C9: variants seen among roughly 807,000 people sequenced by gnomAD.
C9 encodes complement C9, also known as complement component C9.
In C9, 63 loss-of-function variants were observed where a neutral mutation model predicts 65.4. The ratio of observed to expected loss-of-function variants is 0.96; its 90% confidence interval spans 0.79 to 1.19. C9 has a LOEUF of 1.19. Among genes scored for constraint, C9 ranks in the 50% most tolerant of loss-of-function variants. The pLI, the probability that C9 is intolerant of heterozygous loss-of-function variation, is 0.00. For missense variants in C9, 744 were observed against 670.1 expected (o/e 1.11, Z -1.22); for synonymous variants, 229 against 227.9 (o/e 1.00, Z -0.04).
chr5:39,333,857 G>T (rs1053068988), intron 4 of C9, among the ~76,000 whole-genome samples: 1 of 152,234 alleles, frequency 6.6e-6, no homozygotes, highest in South Asian at 2.1e-4. Context: ...CGAGTGATCC[G>T]CCAGCCTTGG....
rs750617137 is a variant in C9 at position 39,341,670 on chromosome 5, G to T, written c.214C>A (p.Gln72Lys). The T allele has an allele frequency of 1.2e-6, 2 of 1,613,932 alleles. No homozygotes were observed. Among genetic ancestry groups the T allele is most frequent in the East Asian group, 4.5e-5 (2 of 44,874 alleles). ...FRSRSIEVFG[Q>K]FNGKRCTDAV... ...TCGGTGCATCTTTTCCCATTAAATT[G>T]TCCAAAGACCTCAATGCTTCTTGAA... The change falls in exon 3 of 11, where the codon CAA becomes AAA. Residue 72 changes from glutamine to lysine, a missense_variant. Coordinates refer to ENST00000263408, the MANE Select transcript of C9 (RefSeq NM_001737.5).
intron 5 of C9, among the ~76,000 whole-genome samples, chr5:39,318,322 C>G (rs1303968298): frequency 6.6e-6 from 1 of 152,148 alleles, no homozygotes; most frequent in Non-Finnish European, 1.5e-5. Context: ...ATTTGACTTT[C>G]TCTCTTCGTA....
Position 39,342,356 on chromosome 5 carries a change from T to G in C9, c.78-160A>C, listed in dbSNP as rs531747578. Among the ~76,000 whole-genome samples the G allele has an allele frequency of 3.3e-5, 5 of 152,358 alleles. No homozygotes were observed. The East Asian group carries it at 9.6e-4, about 29-fold the overall frequency. On this transcript the variant is annotated intron_variant, in intron 1 of 10. Coordinates refer to ENST00000263408, the MANE Select transcript of C9 (RefSeq NM_001737.5). The stretch of plus-strand genomic sequence containing the variant: ...TTTCACCCTCAATTGCATGCTGTTT[T>G]GTATTTTCAACTCATCTTTTTGTTA...
chr5:39,348,467 C>T lies in C9; in HGVS notation c.78-6271G>A, dbSNP rs1192224914. On this transcript the variant is annotated intron_variant, in intron 1 of 10. Transcript: ENST00000263408. ...AGAGAAACGCAAATCAAAACCACAA[C>T]GAGATACCATCTCACACCAGTTAGA... Among the ~76,000 whole-genome samples the T allele has an allele frequency of 6.6e-5, 10 of 152,190 alleles. No homozygotes were observed. In the East Asian group the frequency reaches 7.7e-4, roughly 12 times the overall value.
At chr5:39,294,142 C>G (rs1753144950) in intron 9 of C9, among the ~76,000 whole-genome samples, 1 of 151,620 alleles carries the variant, frequency 6.6e-6, no homozygotes, top group Non-Finnish European at 1.5e-5. Flanking sequence ...TGATACATTT[C>G]AAGGAGCTAG....
chr5:39,300,956 T>C (rs1753266642), intron 9 of C9, among the ~76,000 whole-genome samples: 1 of 152,142 alleles, frequency 6.6e-6, no homozygotes, highest in Admixed American at 6.6e-5. Context: ...TTCCTTATTT[T>C]AGTGAGACCA....
intron 9 of C9, 133 bp from the exon 10 acceptor site, chr5:39,289,084 T>C (rs1011429171): frequency 1.5e-6 from 1 of 672,788 alleles, no homozygotes; most frequent in Non-Finnish European, 2.7e-6. Context: ...TATTGCCAGA[T>C]GTGATGTTAG....
intron 1 of C9, among the ~76,000 whole-genome samples, chr5:39,359,012 T>TAAAA (rs1182613709): frequency 1.1e-4 from 3 of 28,132 alleles, no homozygotes; most frequent in African/African-American, 1.7e-4. Context: ...AATAAATAAA[T>TAAAA]AAAAAATATA....
chr5:39,344,825 C>T (rs935717169), intron 1 of C9, among the ~76,000 whole-genome samples: 18 of 152,166 alleles, frequency 1.2e-4, no homozygotes, highest in African/African-American at 3.9e-4. Flanking sequence ...GCAGATCTCT[C>T]GGCAGAAACT....
chr5:39,340,875 C>T (rs1754063759), intron 4 of C9, among the ~76,000 whole-genome samples: 1 of 152,196 alleles, frequency 6.6e-6, no homozygotes, highest in African/African-American at 2.4e-5. Flanking sequence ...GAGATTTCAT[C>T]TCTTGCTCCA....
chr5:39,331,555 A>C, intron 5 of C9, 121 bp downstream of exon 5: 1 of 864,520 alleles, frequency 1.2e-6, no homozygotes, highest in Non-Finnish European at 2.0e-6. Flanking sequence ...CTCTTCTTTA[A>C]GTCTTGTGTT....
At chr5:39,357,129 T>C (rs1579883639) in intron 1 of C9, among the ~76,000 whole-genome samples, 1 of 152,182 alleles carries the variant, frequency 6.6e-6, no homozygotes, top group Non-Finnish European at 1.5e-5. Context: ...TTTCCAGTTT[T>C]AGAAAAAGAA....
At chr5:39,315,747 T>C (rs1299307987) in intron 6 of C9, 28 bp downstream of exon 6, 1 of 1,523,590 alleles carries the variant, frequency 6.6e-7, no homozygotes, top group Admixed American at 1.7e-5. Flanking sequence ...AACCTTTCTA[T>C]ATTCCTATAT....
intron 7 of C9, among the ~76,000 whole-genome samples, 153 bp from the exon 8 acceptor site, chr5:39,308,511 C>T (rs1451196039): frequency 1.3e-5 from 2 of 152,086 alleles, no homozygotes; most frequent in African/African-American, 4.8e-5. Context: ...CTGCTTTGTC[C>T]TCATATTAGA....
chr5:39,327,322 GCTAGAGGCTGTAAA>G (rs1388047071), intron 5 of C9, among the ~76,000 whole-genome samples: 1 of 152,186 alleles, frequency 6.6e-6, no homozygotes, highest in East Asian at 1.9e-4. Flanking sequence ...GTTGAGAAAA[GCTAGAGGCTGTAAA>G]CTAAGAACAC....
At chr5:39,321,513 AG>A (rs1753667328) in intron 5 of C9, among the ~76,000 whole-genome samples, 3 of 143,598 alleles carry the variant, frequency 2.1e-5, no homozygotes, top group African/African-American at 8.9e-5. Flanking sequence ...AGAAATAGCC[AG>A]AAAGAACATA....
At chr5:39,337,055 A>T (rs1372115963) in intron 4 of C9, among the ~76,000 whole-genome samples, 1 of 152,156 alleles carries the variant, frequency 6.6e-6, no homozygotes, top group African/African-American at 2.4e-5. Flanking sequence ...TTAAAAAGTA[A>T]GAAGTAAGTG....
At chr5:39,333,616 T>C (rs13353860) in intron 4 of C9, among the ~76,000 whole-genome samples, 4,560 of 138,090 alleles carry the variant, frequency 0.033, 224 homozygotes, top group African/African-American at 0.11. Flanking sequence ...CCCCTTTCCA[T>C]GGTCTCCCCT....
intron 5 of C9, 89 bp downstream of exon 5, chr5:39,331,587 T>C (rs1753840528): frequency 6.5e-6 from 7 of 1,074,876 alleles, no homozygotes; most frequent in African/African-American, 4.7e-5. Flanking sequence ...ATTATTCTAC[T>C]GAGTTTTTCA....
Sources: gnomAD v4.1 joint callset for allele counts (sites outside exome capture counted in the v4.1 genomes callset) on GRCh38, gnomAD v4.1.1 for gene constraint, MANE v1.5 for transcripts, NCBI Gene and HGNC (gene_info 2026-07-23, HGNC 2026-07-21) for gene names.